The following CBL variants were observed in gnomAD, a reference collection of about 807,000 sequenced individuals.
The protein encoded by CBL is Cbl proto-oncogene.
In CBL, 45 loss-of-function variants were observed where a neutral mutation model predicts 96.9. The observed-to-expected ratio is 0.46, with a 90% CI of 0.37 to 0.60. The LOEUF (loss-of-function observed/expected upper bound fraction) is 0.60. CBL is among the 20% of genes least tolerant of loss of function. CBL has a pLI of 0.00. For synonymous variants in CBL, 420 were observed against 426.8 expected (o/e 0.98, Z 0.20); for missense variants, 1,024 against 1,143.5 (o/e 0.90, Z 1.51).
rs760852406 is a variant in CBL, at chr11:119,276,054, T to C, written c.927T>C (p.Thr309=). The change falls in exon 6 of 16, where the codon ACT becomes ACC. Residue 309 remains threonine, a synonymous_variant. Coordinates refer to ENST00000264033, the MANE Select transcript of CBL (RefSeq NM_005188.4). ...RLGQWAIGYV[T]ADGNILQTIP... is the part of the protein sequence containing the mutation. ...GTCAGTGGGCTATTGGGTATGTTAC[T>C]GCTGATGGGAACATTCTCCAGACAA... The C allele has an allele frequency of 1.9e-6, 3 of 1,613,752 alleles. No homozygotes were observed. The highest frequency in any genetic ancestry group is 2.2e-5 in the South Asian group (2 of 91,076).
intron 2 of CBL, among the ~76,000 whole-genome samples, chr11:119,244,794 G>A (rs1028556406): frequency 1.3e-5 from 2 of 151,390 alleles, no homozygotes; most frequent in African/African-American, 2.4e-5. Flanking sequence ...CAAGCAATCC[G>A]CCCCACCTTA....
In CBL at chr11:119,254,863, A is replaced by C. The variant is rs534759306; in HGVS notation, c.444-16872A>C. Among the ~76,000 whole-genome samples the C allele has an allele frequency of 3.9e-5, 6 of 152,270 alleles. No homozygotes were observed. The South Asian group carries it at 1.2e-3, about 32-fold the overall frequency. The stretch of plus-strand genomic sequence containing the variant: ...GTGATCCTCCCACCTCAGCCTCCCA[A>C]AGTGCTGGGATTACAGGTGTGAGCC... On this transcript the variant is annotated intron_variant, in intron 2 of 15. Coordinates refer to ENST00000264033, the MANE Select transcript of CBL (RefSeq NM_005188.4).
chr11:119,256,638 G>A (rs769282678), intron 2 of CBL, among the ~76,000 whole-genome samples: 4 of 150,238 alleles, frequency 2.7e-5, no homozygotes, highest in Non-Finnish European at 5.9e-5. Context: ...CTGAGATTTT[G>A]GTGCACCCAT....
intron 1 of CBL, among the ~76,000 whole-genome samples, chr11:119,214,757 T>G (rs1179127276): frequency 1.3e-5 from 2 of 152,182 alleles, no homozygotes; most frequent in Admixed American, 1.3e-4. Context: ...TCAGATAGTT[T>G]AGATTGTAGT....
At position 119,299,814 on chromosome 11, in the gene CBL, C is replaced by A. The variant is rs1950089330; in HGVS notation, c.*33C>A. On this transcript the variant is annotated 3_prime_UTR_variant, in exon 16 of 16. Transcript: ENST00000264033. ...TCTCCCTGCTGCAGGTTTAGAGGAC[C>A]AGTGAGTTGGGAGTTATTACTCAAG... The A allele has an allele frequency of 6.2e-7, 1 of 1,609,004 alleles. No individual in the cohort carries two copies. Among genetic ancestry groups the A allele is most frequent in the Non-Finnish European group, 8.5e-7 (1 of 1,177,300 alleles).
At chr11:119,274,706 T>C (rs1949874925) in intron 4 of CBL, 126 bp from the exon 5 acceptor site, 2 of 855,538 alleles carry the variant, frequency 2.3e-6, no homozygotes. Context: ...TCTCTCTGAG[T>C]GATGGTATAA....
At chr11:119,229,045 C>A (rs772214268) in intron 1 of CBL, among the ~76,000 whole-genome samples, 52 of 152,110 alleles carry the variant, frequency 3.4e-4, no homozygotes, top group Non-Finnish European at 5.4e-4. Flanking sequence ...ATCTCCTTTT[C>A]TCTTCTGGAT....
At chr11:119,286,044 A>G (rs2135311446) in intron 11 of CBL, among the ~76,000 whole-genome samples, 1 of 152,346 alleles carries the variant, frequency 6.6e-6, no homozygotes, top group African/African-American at 2.4e-5. Flanking sequence ...CACACCTGCA[A>G]TCACAGCACT....
At chr11:119,240,569 G>A (rs574757295) in intron 2 of CBL, among the ~76,000 whole-genome samples, 6 of 152,268 alleles carry the variant, frequency 3.9e-5, no homozygotes, top group African/African-American at 1.2e-4. Flanking sequence ...ACTTTGGCTT[G>A]GTATAGAGCA....
intron 2 of CBL, among the ~76,000 whole-genome samples, chr11:119,247,389 T>C (rs1949639951): frequency 6.6e-6 from 1 of 152,202 alleles, no homozygotes. Context: ...TAAGAAAAGA[T>C]AGGAAAAAGA....
chr11:119,300,154 G>T lies in CBL; in HGVS notation c.*373G>T, dbSNP rs982137037. 1 of 524,438 alleles carries T rather than the reference G, an allele frequency of 1.9e-6. No homozygotes were observed. The highest frequency in any genetic ancestry group is 3.5e-5 in the Admixed American group (1 of 28,936). The allele number at this position is 524,438 out of a possible 1,614,324, so 32.5% of individuals were successfully genotyped here. A position where few individuals can be genotyped will look rare whatever the true frequency, so the allele number is the denominator to read the frequency against. On this transcript the variant is annotated 3_prime_UTR_variant, in exon 16 of 16. Transcript: ENST00000264033. Reference sequence around the variant, plus strand: ...GTTAAGGATGTGGCCGTGTGTGTGTGTGTCTGCCTGTGGTTGTATGTGTCC... The same window carrying T: ...GTTAAGGATGTGGCCGTGTGTGTGTTTGTCTGCCTGTGGTTGTATGTGTCC...
chr11:119,236,595 G>GTATATATATATA (rs71048051), intron 2 of CBL, among the ~76,000 whole-genome samples: 195 of 137,730 alleles, frequency 1.4e-3, no homozygotes, highest in African/African-American at 3.3e-3. Flanking sequence ...CTTCTTTTGA[G>GTATATATATATA]TATATATATA....
Position 119,249,993 on chromosome 11 carries a change from G to T in CBL, c.443+17298G>T, listed in dbSNP as rs558846282. On this transcript the variant is annotated intron_variant, in intron 2 of 15. Coordinates refer to ENST00000264033, the MANE Select transcript of CBL (RefSeq NM_005188.4). The stretch of plus-strand genomic sequence containing the variant: ...AATTCTGTCATCTTTGTCACTCATA[G>T]ATTTAATTCTATTGGTTTATTTTTA... Among the ~76,000 whole-genome samples the T allele has an allele frequency of 1.7e-3, 266 of 152,216 alleles. 1 individual carries two copies. Among genetic ancestry groups the T allele is most frequent in the Non-Finnish European group, 2.4e-3 (164 of 68,006 alleles).
At position 119,274,867 on chromosome 11, in the gene CBL, T is replaced by C. The variant is rs1565871179; in HGVS notation, c.783T>C (p.Leu261=). 2 of 1,613,690 alleles carry C rather than the reference T, an allele frequency of 1.2e-6. No homozygotes were observed. Among genetic ancestry groups the C allele is most frequent in the Non-Finnish European group, 1.7e-6 (2 of 1,179,608 alleles). The part of the protein sequence containing the change: ...WSSLLRNWNS[L]AVTHPGYMAF... Reference sequence around the variant, plus strand: ...CTTTGCTCAGGAATTGGAACAGCCTTGCTGTAACTCATCCTGGCTACATGG... The same window carrying C: ...CTTTGCTCAGGAATTGGAACAGCCTCGCTGTAACTCATCCTGGCTACATGG... Residue 261 remains leucine (L), a synonymous_variant, in exon 5 of 16, where the codon CTT becomes CTC. Coordinates refer to ENST00000264033, the MANE Select transcript of CBL (RefSeq NM_005188.4).
In CBL at chr11:119,296,987, T is replaced by C; in HGVS notation, c.2106T>C (p.Thr702=). The C allele has an allele frequency of 6.2e-7, 1 of 1,612,128 alleles. No homozygotes were observed. Among genetic ancestry groups the C allele is most frequent in the Non-Finnish European group, 8.5e-7 (1 of 1,178,124 alleles). ...GTGAAGAGGACACAGAGTACATGAC[T>C]CCCTCTTCCAGGCCTCTACGGCCTT... ...CEGEEDTEYM[T]PSSRPLRPLD... The change falls in exon 13 of 16, where the codon ACT becomes ACC. Residue 702 remains threonine (T), a synonymous_variant. Coordinates refer to ENST00000264033, the MANE Select transcript of CBL (RefSeq NM_005188.4).
intron 1 of CBL, among the ~76,000 whole-genome samples, chr11:119,211,272 T>A (rs1393445316): frequency 6.6e-6 from 1 of 151,930 alleles, no homozygotes; most frequent in African/African-American, 2.4e-5. Context: ...CTTGAGAGGC[T>A]GAGGCAGGAG....
chr11:119,233,621 A>G (rs912115755), intron 2 of CBL, among the ~76,000 whole-genome samples: 14 of 152,248 alleles, frequency 9.2e-5, no homozygotes, highest in African/African-American at 2.9e-4. Context: ...TGGGAGAGAA[A>G]TAAGTTAACT....
In CBL at chr11:119,302,227, T is replaced by G. The variant is rs1247261163; in HGVS notation, c.*2446T>G. The stretch of plus-strand genomic sequence containing the variant: ...GCCAGCATTCAAGGTTTTGGATCAT[T>G]TCATGAGGATCTTTCCTTTGACTGG... On this transcript the variant is annotated 3_prime_UTR_variant, in exon 16 of 16. Transcript: ENST00000264033. The G allele has an allele frequency of 4.3e-6, 1 of 232,744 alleles. No homozygotes were observed. The highest frequency in any genetic ancestry group is 2.2e-5 in the African/African-American group (1 of 45,344). 14.4% of individuals were successfully genotyped at this position (232,744 alleles called of 1,614,324 possible).
At chr11:119,229,142 A>G (rs896826105) in intron 1 of CBL, among the ~76,000 whole-genome samples, 2 of 152,042 alleles carry the variant, frequency 1.3e-5, no homozygotes, top group African/African-American at 4.8e-5. Context: ...ACTTCCTTCC[A>G]CAGACTAACA....
Sources: gnomAD v4.1 joint callset for allele counts (sites outside exome capture counted in the v4.1 genomes callset) on GRCh38, gnomAD v4.1.1 for gene constraint, MANE v1.5 for transcripts, NCBI Gene and HGNC (gene_info 2026-07-23, HGNC 2026-07-21) for gene names.